The following GPC5 variants were observed in gnomAD, a reference collection of about 807,000 sequenced individuals.
GPC5 encodes glypican 5.
In GPC5, 47 loss-of-function variants were observed where a neutral mutation model predicts 53.9. The observed-to-expected ratio is 0.87, with a 90% CI of 0.69 to 1.11. The LOEUF is 1.11. GPC5 is among the 50% of genes most tolerant of loss of function. The pLI, the probability that GPC5 is intolerant of heterozygous loss-of-function variation, is 0.00. For missense variants in GPC5, 748 were observed against 713.1 expected, an observed-to-expected ratio of 1.05 and a Z score of -0.56; for synonymous variants, 286 against 263.3, an observed-to-expected ratio of 1.09 and a Z score of -0.84.
chr13:91,434,011 G>A lies in GPC5; in HGVS notation c.164-14750G>A, dbSNP rs545062760. On this transcript the variant is annotated intron_variant, in intron 1 of 7. Transcript: ENST00000377067. ...GCATAAATGTCTTCTTTTGAGAAGT[G>A]TCTGTTCATATCCTTTGCCCACTTT... is the stretch of plus-strand genomic sequence containing the variant. Among the ~76,000 whole-genome samples the A allele has an allele frequency of 8.5e-5, 13 of 152,282 alleles. No homozygotes were observed. In the East Asian group the frequency reaches 2.5e-3, roughly 29 times the overall value.
chr13:92,822,759 G>A (rs1165132873), intron 7 of GPC5, among the ~76,000 whole-genome samples: 4 of 152,052 alleles, frequency 2.6e-5, no homozygotes, highest in Non-Finnish European at 5.9e-5. Context: ...TGAAAAGCTT[G>A]ATTTCCTTAA....
chr13:92,595,313 G>A (rs1883833416), intron 7 of GPC5, among the ~76,000 whole-genome samples: 1 of 152,132 alleles, frequency 6.6e-6, no homozygotes, highest in Non-Finnish European at 1.5e-5. Context: ...CCAGTATTCT[G>A]TCAATGATCA....
At chr13:92,255,705 A>T (rs531619186) in intron 7 of GPC5, among the ~76,000 whole-genome samples, 13 of 152,288 alleles carry the variant, frequency 8.5e-5, no homozygotes, top group Admixed American at 8.5e-4. Context: ...GAATATTAGC[A>T]TAGAGATAAA....
intron 6 of GPC5, among the ~76,000 whole-genome samples, chr13:92,033,622 G>T (rs991944793): frequency 2.6e-5 from 4 of 152,138 alleles, no homozygotes; most frequent in Admixed American, 2.6e-4. Context: ...AGACGTTAGG[G>T]TTTTTTCCCT....
intron 1 of GPC5, among the ~76,000 whole-genome samples, chr13:91,427,209 G>T (rs999137660): frequency 6.6e-6 from 1 of 152,218 alleles, no homozygotes; most frequent in African/African-American, 2.4e-5. Flanking sequence ...GAAGAGGGCT[G>T]CAGTCTTCTA....
chr13:91,429,421 A>G (rs555544042), intron 1 of GPC5, among the ~76,000 whole-genome samples: 53 of 152,194 alleles, frequency 3.5e-4, no homozygotes, highest in Non-Finnish European at 6.5e-4. Context: ...AGGAAATAAA[A>G]TTATAAAAAG....
At chr13:92,799,520 G>T (rs1876824200) in intron 7 of GPC5, among the ~76,000 whole-genome samples, 1 of 151,794 alleles carries the variant, frequency 6.6e-6, no homozygotes, top group South Asian at 2.1e-4. Flanking sequence ...GAGGAAAGCA[G>T]CAATGTCTGA....
At chr13:91,653,682 T>G (rs2034775669) in intron 2 of GPC5, among the ~76,000 whole-genome samples, 1 of 152,088 alleles carries the variant, frequency 6.6e-6, no homozygotes, top group South Asian at 2.1e-4. Flanking sequence ...AGCTTCCCCC[T>G]CTTTCTCCCT....
At chr13:92,695,235 G>A (rs1488371972) in intron 7 of GPC5, among the ~76,000 whole-genome samples, 1 of 152,084 alleles carries the variant, frequency 6.6e-6, no homozygotes, top group Non-Finnish European at 1.5e-5. Context: ...TTTGATAACT[G>A]TTTGTTCATA....
At chr13:91,624,446 ATATAGT>A (rs939756287) in intron 2 of GPC5, among the ~76,000 whole-genome samples, 6 of 152,174 alleles carry the variant, frequency 3.9e-5, no homozygotes, top group Admixed American at 3.9e-4. Context: ...TTGATAGAAA[ATATAGT>A]TATAGTGGGA....
chr13:92,744,123 A>G (rs369604967), intron 7 of GPC5, among the ~76,000 whole-genome samples: 1 of 152,204 alleles, frequency 6.6e-6, no homozygotes, highest in East Asian at 1.9e-4. Context: ...ACTGGCAGTG[A>G]GATAGAAAGT....
At chr13:91,544,555 T>C (rs1028315317) in intron 2 of GPC5, among the ~76,000 whole-genome samples, 1 of 152,252 alleles carries the variant, frequency 6.6e-6, no homozygotes, top group Non-Finnish European at 1.5e-5. Context: ...TATGTTTCAC[T>C]AAATTGTTGT....
intron 7 of GPC5, among the ~76,000 whole-genome samples, chr13:92,246,206 C>T (rs543441837): frequency 1.2e-4 from 18 of 152,184 alleles, no homozygotes; most frequent in Non-Finnish European, 1.9e-4. Flanking sequence ...AAACGGCATC[C>T]TTCATTTTAA....
At chr13:92,636,385 AT>A (rs1478515871) in intron 7 of GPC5, among the ~76,000 whole-genome samples, 3 of 152,098 alleles carry the variant, frequency 2.0e-5, no homozygotes, top group African/African-American at 7.2e-5. Flanking sequence ...TATAGGACTT[AT>A]TTTGCTGAGC....
chr13:91,869,658 C>T (rs958068788), intron 5 of GPC5, among the ~76,000 whole-genome samples: 7 of 151,998 alleles, frequency 4.6e-5, no homozygotes, highest in South Asian at 2.1e-4. Flanking sequence ...TGTATTAGAC[C>T]GTTCTCACAT....
intron 7 of GPC5, among the ~76,000 whole-genome samples, chr13:92,599,847 A>G (rs922738803): frequency 6.6e-6 from 1 of 152,216 alleles, no homozygotes; most frequent in Non-Finnish European, 1.5e-5. Flanking sequence ...AAATATATAC[A>G]ACACAAAATT....
chr13:92,538,971 G>GTA lies in GPC5; in HGVS notation c.1562-327298_1562-327297dup, dbSNP rs1305173679. 1.3e-3 allele frequency among the ~76,000 whole-genome samples: 107 copies of GTA among 79,480 alleles called. 1 individual carries two copies. Among genetic ancestry groups the GTA allele is most frequent in the East Asian group, 0.013 (38 of 2,936 alleles). The allele number at this position is 79,480 out of a possible 152,430, so 52.1% of individuals were successfully genotyped here. A position where few individuals can be genotyped will look rare whatever the true frequency, so the allele number is the denominator to read the frequency against. On this transcript the variant is annotated intron_variant, in intron 7 of 7. Transcript: ENST00000377067. ...TATATACACCATATATATATACCTT[G>GTA]TATATATATATATACCATATATATA...
intron 7 of GPC5, among the ~76,000 whole-genome samples, chr13:92,711,552 A>G (rs941866035): frequency 6.6e-6 from 1 of 152,154 alleles, no homozygotes; most frequent in Admixed American, 6.5e-5. Flanking sequence ...AACTAGAAAG[A>G]AAATCAAGGT....
At chr13:91,969,668 C>A (rs1488632312) in intron 6 of GPC5, among the ~76,000 whole-genome samples, 1 of 152,058 alleles carries the variant, frequency 6.6e-6, no homozygotes, top group Non-Finnish European at 1.5e-5. Context: ...TACAACTAAA[C>A]AGCAAAATCA....
Sources: gnomAD v4.1 joint callset for allele counts (sites outside exome capture counted in the v4.1 genomes callset) on GRCh38, gnomAD v4.1.1 for gene constraint, MANE v1.5 for transcripts, NCBI Gene and HGNC (gene_info 2026-07-23, HGNC 2026-07-21) for gene names.